YEATS2: variants seen among roughly 807,000 people sequenced by gnomAD.
YEATS2 encodes YEATS domain containing 2.
Under a neutral mutation model 163.2 loss-of-function variants are expected in YEATS2, and 77 were observed. That is an observed-to-expected ratio of 0.47 (90% CI 0.39 to 0.57). YEATS2 has a LOEUF of 0.57. Ranked by LOEUF, YEATS2 falls within the 20% of genes least tolerant of loss-of-function variation. YEATS2 has a pLI of 0.00. For synonymous variants in YEATS2, 631 were observed against 645.1 expected (o/e 0.98, Z 0.33); for missense variants, 1,549 against 1,729.8 (o/e 0.90, Z 1.85).
At chr3:183,741,920 A>G (rs1291516325) in intron 8 of YEATS2, among the ~76,000 whole-genome samples, 2 of 150,550 alleles carry the variant, frequency 1.3e-5, no homozygotes, top group Non-Finnish European at 3.0e-5. Flanking sequence ...TAAGAAATAT[A>G]TTTTGTGGCC....
intron 2 of YEATS2, among the ~76,000 whole-genome samples, chr3:183,716,516 A>G (rs760959151): frequency 2.6e-4 from 39 of 152,154 alleles, no homozygotes; most frequent in Non-Finnish European, 4.1e-4. Context: ...TAGTGAAAAC[A>G]TTTTGCTGCA....
chr3:183,702,418 C>T (rs969905649), intron 1 of YEATS2, among the ~76,000 whole-genome samples: 1 of 151,950 alleles, frequency 6.6e-6, no homozygotes, highest in African/African-American at 2.4e-5. Flanking sequence ...GCACTCCAGC[C>T]TGGGCGACAT....
At chr3:183,717,338 G>A (rs573652111) in intron 2 of YEATS2, among the ~76,000 whole-genome samples, 1 of 152,120 alleles carries the variant, frequency 6.6e-6, no homozygotes, top group South Asian at 2.1e-4. Context: ...TATTTAAATA[G>A]AATAGGCCAA....
At chr3:183,715,866 A>G (rs775716606) in intron 2 of YEATS2, among the ~76,000 whole-genome samples, 2 of 152,220 alleles carry the variant, frequency 1.3e-5, no homozygotes, top group Non-Finnish European at 2.9e-5. Context: ...CCTAACATAT[A>G]TAAGTAGTTG....
intron 3 of YEATS2, 102 bp from the exon 4 acceptor site, chr3:183,718,398 C>CTT: frequency 1.7e-5 from 13 of 779,326 alleles, no homozygotes; most frequent in Admixed American, 3.7e-5. Flanking sequence ...AGAAGTTGAG[C>CTT]TTTTTTTTTT....
intron 15 of YEATS2, among the ~76,000 whole-genome samples, chr3:183,769,733 G>A (rs560257292): frequency 6.6e-6 from 1 of 151,728 alleles, no homozygotes; most frequent in Non-Finnish European, 1.5e-5. Context: ...TTGCTCTGTC[G>A]CCAGGCTAGA....
intron 15 of YEATS2, among the ~76,000 whole-genome samples, chr3:183,767,775 C>G (rs1722056883): frequency 6.6e-6 from 1 of 151,816 alleles, no homozygotes; most frequent in South Asian, 2.1e-4. Flanking sequence ...CCTCGGCCTC[C>G]CAAAGTGCTG....
At chr3:183,794,621 G>A (rs1724963163) in intron 21 of YEATS2, among the ~76,000 whole-genome samples, 3 of 152,180 alleles carry the variant, frequency 2.0e-5, no homozygotes, top group Non-Finnish European at 2.9e-5. Flanking sequence ...TTAAAAATGC[G>A]TGACCGGCTG....
intron 7 of YEATS2, among the ~76,000 whole-genome samples, chr3:183,734,581 G>C (rs1577079060): frequency 6.6e-6 from 1 of 152,312 alleles, no homozygotes; most frequent in East Asian, 1.9e-4. Flanking sequence ...CTTTTAAAGG[G>C]CTTTCATGTG....
chr3:183,773,518 G>A (rs1338644057), intron 16 of YEATS2, 115 bp from the exon 17 acceptor site: 4 of 1,031,866 alleles, frequency 3.9e-6, no homozygotes, highest in Non-Finnish European at 4.2e-6. Context: ...AACAAACTTT[G>A]AATTTATTGC....
rs555137149 is a variant in YEATS2, at chr3:183,704,149, T to C, written c.-20+6156T>C. ...TTGGGCAACAGAGTGAGACTCCATCTCAAAAAAAAAAAAAAAGCTTCCTAA... is the reference window on the plus strand; with the variant it reads ...TTGGGCAACAGAGTGAGACTCCATCCCAAAAAAAAAAAAAAAGCTTCCTAA... On this transcript the variant is annotated intron_variant, in intron 1 of 30. Coordinates refer to ENST00000305135, the MANE Select transcript of YEATS2 (RefSeq NM_018023.5). Among the ~76,000 whole-genome samples the C allele has an allele frequency of 1.2e-3, 161 of 137,736 alleles. 1 individual carries two copies. Among genetic ancestry groups the C allele is most frequent in the African/African-American group, 4.2e-3 (153 of 36,306 alleles). 90.4% of individuals were successfully genotyped at this position (137,736 alleles called of 152,430 possible).
chr3:183,777,771 T>C, intron 19 of YEATS2, 71 bp downstream of exon 19: 3 of 1,514,618 alleles, frequency 2.0e-6, no homozygotes, highest in Non-Finnish European at 2.7e-6. Context: ...TACATGTAGT[T>C]TCTCTCTTTT....
At chr3:183,708,792 A>G (rs1714883734) in intron 1 of YEATS2, among the ~76,000 whole-genome samples, 1 of 152,136 alleles carries the variant, frequency 6.6e-6, no homozygotes, top group Non-Finnish European at 1.5e-5. Flanking sequence ...TGAGCCCAGG[A>G]TTCCAAGGTT....
Position 183,724,467 on chromosome 3 carries a change from G to T in YEATS2, c.586G>T (p.Asp196Tyr). 2 of 1,613,916 alleles carry T rather than the reference G, an allele frequency of 1.2e-6. No individual in the cohort carries two copies. The highest frequency in any genetic ancestry group is 1.7e-6 in the Non-Finnish European group (2 of 1,179,912). Residue 196 changes from aspartate (D) to tyrosine (Y), a missense_variant, in exon 6 of 31, where the codon GAT becomes TAT. Transcript: ENST00000305135. ...GSHKTEQRNA[D>Y]LTDETSRLFV... ...CCATAAAACAGAACAGCGGAATGCT[G>T]ATCTCACAGATGAGACTTCACGACT...
intron 27 of YEATS2, 143 bp from the exon 28 acceptor site, chr3:183,806,723 A>T: frequency 1.3e-6 from 1 of 752,918 alleles, no homozygotes; most frequent in South Asian, 1.9e-5. Flanking sequence ...TCATCATTAT[A>T]GATCCATAGA....
chr3:183,808,068 C>T lies in YEATS2; in HGVS notation c.4050C>T (p.Asn1350=), dbSNP rs1404918574. Residue 1350 remains asparagine (N), a synonymous_variant, in exon 29 of 31, where the codon AAC becomes AAT. Transcript: ENST00000305135. The part of the protein sequence containing the change: ...ITLQPVALHR[N]VYASVVEDMI... Reference sequence around the variant, plus strand: ...TGCAGCCCGTGGCACTCCACAGGAACGTGTATGCGTCCGTGGTGGAGGACA... The same window carrying T: ...TGCAGCCCGTGGCACTCCACAGGAATGTGTATGCGTCCGTGGTGGAGGACA... 7.0e-6 allele frequency: 11 copies of T among 1,561,158 alleles called. No homozygotes were observed. Among genetic ancestry groups the T allele is most frequent in the East Asian group, 2.4e-5 (1 of 41,858 alleles).
chr3:183,762,403 A>T, intron 15 of YEATS2, 124 bp downstream of exon 15: 2 of 1,251,274 alleles, frequency 1.6e-6, no homozygotes, highest in Non-Finnish European at 2.2e-6. Context: ...TGTGGGTGAA[A>T]GCCTAGTTGG....
intron 21 of YEATS2, chr3:183,793,087 TTTCTA>T (rs1434378464): frequency 4.0e-6 from 5 of 1,238,652 alleles, no homozygotes; most frequent in Non-Finnish European, 5.3e-6. Flanking sequence ...ACTGTTAAAG[TTTCTA>T]AATACTGTAT....
intron 13 of YEATS2, among the ~76,000 whole-genome samples, chr3:183,760,416 G>C (rs1345351224): frequency 2.0e-5 from 3 of 147,250 alleles, no homozygotes; most frequent in Non-Finnish European, 1.5e-5. Context: ...CCTGCCTCCT[G>C]AGTTCAAGCG....
Sources: allele counts gnomAD v4.1 joint callset (sites outside exome capture counted in the v4.1 genomes callset), GRCh38; gene constraint gnomAD v4.1.1; transcripts MANE v1.5; gene names NCBI Gene and HGNC (gene_info 2026-07-23, HGNC 2026-07-21).